Variants in PTPRG observed in about 807,000 individuals in gnomAD.
PTPRG encodes protein tyrosine phosphatase receptor type G.
Under a neutral mutation model 165.3 loss-of-function variants are expected in PTPRG, and 102 were observed. The ratio of observed to expected loss-of-function variants is 0.62; its 90% confidence interval spans 0.53 to 0.73. The LOEUF is 0.73. PTPRG is among the 30% of genes least tolerant of loss of function. PTPRG has a pLI of 0.00. For synonymous variants in PTPRG, 675 were observed against 669.5 expected (o/e 1.01, Z -0.13); for missense variants, 1,866 against 1,861.4 (o/e 1.00, Z -0.05).
intron 2 of PTPRG, among the ~76,000 whole-genome samples, chr3:61,967,946 A>G (rs28714606): frequency 0.021 from 3,193 of 152,298 alleles, 59 homozygotes; most frequent in South Asian, 0.089. Context: ...TAATAATAGT[A>G]TGTGAGTAAG....
At chr3:61,575,285 C>A (rs931311920) in intron 1 of PTPRG, among the ~76,000 whole-genome samples, 1 of 152,034 alleles carries the variant, frequency 6.6e-6, no homozygotes, top group African/African-American at 2.4e-5. Context: ...ACCACATAAA[C>A]AAAGGATTTT....
rs576767359 is a variant in PTPRG at position 62,138,299 on chromosome 3, C to A, written c.682+5631C>A. Among the ~76,000 whole-genome samples, 3 of 152,302 alleles carry A rather than the reference C, an allele frequency of 2.0e-5. No homozygotes were observed. The East Asian group carries it at 5.8e-4, about 29-fold the overall frequency. On this transcript the variant is annotated intron_variant, in intron 6 of 29. Transcript: ENST00000474889. ...AAATGTGCATTAAAATGATGTGTAACATAACCATATTTATTGAAGAATGCA... is the reference window on the plus strand; with the variant it reads ...AAATGTGCATTAAAATGATGTGTAAAATAACCATATTTATTGAAGAATGCA...
intron 5 of PTPRG, among the ~76,000 whole-genome samples, chr3:62,117,032 A>C (rs1201490740): frequency 6.6e-6 from 1 of 152,206 alleles, no homozygotes; most frequent in African/African-American, 2.4e-5. Context: ...TACTACATTC[A>C]CTAGAGAGCT....
intron 2 of PTPRG, among the ~76,000 whole-genome samples, chr3:61,769,084 A>G (rs546401662): frequency 1.3e-5 from 2 of 152,348 alleles, no homozygotes; most frequent in South Asian, 4.1e-4. Context: ...CATTTAGTTT[A>G]ATGTGATGAC....
At chr3:62,227,631 C>T (rs1700792005) in intron 13 of PTPRG, among the ~76,000 whole-genome samples, 1 of 152,082 alleles carries the variant, frequency 6.6e-6, no homozygotes, top group Admixed American at 6.5e-5. Context: ...GACCTAAGGC[C>T]CTTTATGGCT....
At chr3:61,786,872 TAACTGC>T in intron 2 of PTPRG, among the ~76,000 whole-genome samples, 1 of 152,192 alleles carries the variant, frequency 6.6e-6, no homozygotes, top group Non-Finnish European at 1.5e-5. Context: ...TTACGCACCA[TAACTGC>T]TTAAAGACAA....
chr3:61,924,255 C>A (rs1287156984), intron 2 of PTPRG, among the ~76,000 whole-genome samples: 2 of 152,168 alleles, frequency 1.3e-5, no homozygotes, highest in South Asian at 4.1e-4. Context: ...AGATCCTGAC[C>A]TGCACTTGCA....
rs189580638 is a variant in PTPRG at position 62,097,200 on chromosome 3, G to T, written c.615+18942G>T. ...GAGATATTGGCTGTAAAACCTAATG[G>T]TATAAGATAGGCTTGGTAAAGGACG... is the stretch of plus-strand genomic sequence containing the variant. On this transcript the variant is annotated intron_variant, in intron 5 of 29. Coordinates refer to ENST00000474889, the MANE Select transcript of PTPRG (RefSeq NM_002841.4). 6.8e-4 allele frequency among the ~76,000 whole-genome samples: 104 copies of T among 152,302 alleles called. 1 individual carries two copies. The highest frequency in any genetic ancestry group is 2.4e-3 in the African/African-American group (99 of 41,560).
intron 2 of PTPRG, among the ~76,000 whole-genome samples, chr3:61,974,448 G>A (rs918752034): frequency 6.6e-6 from 1 of 152,020 alleles, no homozygotes; most frequent in Non-Finnish European, 1.5e-5. Flanking sequence ...AGCTACTCGG[G>A]AGGCTGAGGC....
intron 5 of PTPRG, among the ~76,000 whole-genome samples, chr3:62,120,254 G>C (rs1703016269): frequency 6.6e-6 from 1 of 152,022 alleles, no homozygotes; most frequent in South Asian, 2.1e-4. Flanking sequence ...GTACAAGATG[G>C]TGTTGATCCA....
chr3:61,824,910 T>A (rs1450259878), intron 2 of PTPRG, among the ~76,000 whole-genome samples: 4 of 152,238 alleles, frequency 2.6e-5, no homozygotes, highest in Non-Finnish European at 4.4e-5. Flanking sequence ...TCCTTAGATT[T>A]AACAACCCAC....
At chr3:61,857,023 A>T (rs2037126261) in intron 2 of PTPRG, among the ~76,000 whole-genome samples, 1 of 151,746 alleles carries the variant, frequency 6.6e-6, no homozygotes, top group Non-Finnish European at 1.5e-5. Flanking sequence ...AATGCCCTTT[A>T]TGTGGGCTAT....
At chr3:61,828,131 C>T (rs1381048956) in intron 2 of PTPRG, among the ~76,000 whole-genome samples, 1 of 152,190 alleles carries the variant, frequency 6.6e-6, no homozygotes. Flanking sequence ...TAGTCTTCTA[C>T]ATGCCCTTTT....
rs1700402820 is a variant in PTPRG, at chr3:62,213,071, C to T, written c.2156-5780C>T. Among the ~76,000 whole-genome samples the T allele has an allele frequency of 6.6e-6, 1 of 152,166 alleles. No individual in the cohort carries two copies. The highest frequency in any genetic ancestry group is 1.5e-5 in the Non-Finnish European group (1 of 68,034). ...ATGGAGGGAAGCAAACCCCCAGTAA[C>T]TGGGCAGCTCAGTTCTGCTGGACCC... On this transcript the variant is annotated intron_variant, in intron 12 of 29. Transcript: ENST00000474889. This position sits in a 1 kb window ranked among gnomAD's most constrained non-coding sequence, Gnocchi z 4.4.
At chr3:62,112,264 G>A (rs558256673) in intron 5 of PTPRG, among the ~76,000 whole-genome samples, 9 of 152,006 alleles carry the variant, frequency 5.9e-5, no homozygotes, top group East Asian at 3.9e-4. Flanking sequence ...ACCACCATGC[G>A]CAGCTAATTT....
intron 5 of PTPRG, among the ~76,000 whole-genome samples, chr3:62,121,237 GC>G (rs1449326739): frequency 6.6e-6 from 1 of 151,968 alleles, no homozygotes; most frequent in Non-Finnish European, 1.5e-5. Flanking sequence ...ACAGGCGTGA[GC>G]CACCGCGCCC....
chr3:61,946,270 C>T (rs1249909296), intron 2 of PTPRG, among the ~76,000 whole-genome samples: 2 of 152,146 alleles, frequency 1.3e-5, no homozygotes, highest in Non-Finnish European at 2.9e-5. Flanking sequence ...TGTGCTCTGA[C>T]AGCAACTCTA....
chr3:61,791,447 C>T (rs533890417), intron 2 of PTPRG, among the ~76,000 whole-genome samples: 16 of 152,232 alleles, frequency 1.1e-4, no homozygotes, highest in Admixed American at 5.9e-4. Flanking sequence ...GAGTTGGGTA[C>T]GTATTTGTAA....
intron 1 of PTPRG, among the ~76,000 whole-genome samples, chr3:61,709,427 G>A (rs1010082313): frequency 1.3e-5 from 2 of 152,062 alleles, no homozygotes; most frequent in Middle Eastern, 3.2e-3. Flanking sequence ...TGGTTCTCCT[G>A]CCTCACCCTT....
Sources: allele counts gnomAD v4.1 joint callset (sites outside exome capture counted in the v4.1 genomes callset), GRCh38; gene constraint gnomAD v4.1.1; non-coding constraint Gnocchi (gnomAD v3.1); transcripts MANE v1.5; gene names NCBI Gene and HGNC (gene_info 2026-07-23, HGNC 2026-07-21).